LRRC8D: variants seen among roughly 807,000 people sequenced by gnomAD.
LRRC8D encodes the protein leucine rich repeat containing 8 VRAC subunit D.
In LRRC8D, 20 loss-of-function variants were observed where a neutral mutation model predicts 55.8. The observed-to-expected ratio is 0.36, with a 90% CI of 0.25 to 0.52. The LOEUF is 0.52. Ranked by LOEUF, LRRC8D falls within the 20% of genes least tolerant of loss-of-function variation. The probability of loss-of-function intolerance (pLI) is 0.93; values close to 1 mark genes in which losing one functional copy is unlikely to be tolerated. For synonymous variants in LRRC8D, 352 were observed against 377.0 expected, an observed-to-expected ratio of 0.93 and a Z score of 0.77; for missense variants, 651 against 1,030.8, an observed-to-expected ratio of 0.63 and a Z score of 5.05.
intron 2 of LRRC8D, among the ~76,000 whole-genome samples, chr1:89,847,709 T>C (rs1661315553): frequency 6.6e-6 from 1 of 152,190 alleles, no homozygotes; most frequent in Admixed American, 6.5e-5. Flanking sequence ...ATGCAGTGGC[T>C]CCTGACACCA....
chr1:89,843,684 G>C lies in LRRC8D; in HGVS notation c.-101G>C. On this transcript the variant is annotated 5_prime_UTR_variant, in exon 2 of 3. Transcript: ENST00000337338. ...CGTGCTGCCGGGTCTCAGGATGGAG[G>C]AGTGAAGTCTCCTGTCGCCGTGGTT... The C allele has an allele frequency of 1.4e-6, 1 of 702,304 alleles. No individual in the cohort carries two copies. Among genetic ancestry groups the C allele is most frequent in the Non-Finnish European group, 2.6e-6 (1 of 384,838 alleles). 43.5% of individuals were successfully genotyped at this position (702,304 alleles called of 1,614,324 possible). A position where few individuals can be genotyped will look rare whatever the true frequency, so the allele number is the denominator to read the frequency against.
At chr1:89,925,088 A>G (rs889582286) in intron 2 of LRRC8D, among the ~76,000 whole-genome samples, 1 of 152,162 alleles carries the variant, frequency 6.6e-6, no homozygotes, top group African/African-American at 2.4e-5. Flanking sequence ...GCAAAGCTTC[A>G]TCTGTATTTA....
At chr1:89,877,482 T>C (rs61773295) in intron 2 of LRRC8D, among the ~76,000 whole-genome samples, 2,199 of 152,348 alleles carry the variant, frequency 0.014, 34 homozygotes, top group Non-Finnish European at 0.021. Context: ...GTTATTATTA[T>C]TTCATGATTT....
chr1:89,849,740 G>A (rs1021538282), intron 2 of LRRC8D, among the ~76,000 whole-genome samples: 7 of 151,986 alleles, frequency 4.6e-5, no homozygotes, highest in Non-Finnish European at 7.4e-5. Flanking sequence ...AGAACTTCTT[G>A]AGAGAATTTT....
At chr1:89,927,637 C>T (rs1276652123) in intron 2 of LRRC8D, among the ~76,000 whole-genome samples, 1 of 152,144 alleles carries the variant, frequency 6.6e-6, no homozygotes, top group East Asian at 1.9e-4. Context: ...CCAGAATTTC[C>T]CAACATTGAC....
chr1:89,917,455 A>G (rs995629617), intron 2 of LRRC8D, among the ~76,000 whole-genome samples: 1 of 152,158 alleles, frequency 6.6e-6, no homozygotes, highest in Non-Finnish European at 1.5e-5. Flanking sequence ...ACATCAAACT[A>G]TGCTTCTAAG....
At chr1:89,870,149 A>G (rs140138892) in intron 2 of LRRC8D, among the ~76,000 whole-genome samples, 2,072 of 151,860 alleles carry the variant, frequency 0.014, 48 homozygotes, top group African/African-American at 0.048. Context: ...TTTCATATCC[A>G]GCCAAAGTAA....
chr1:89,891,439 T>A (rs1422666277), intron 2 of LRRC8D, among the ~76,000 whole-genome samples: 2 of 152,228 alleles, frequency 1.3e-5, no homozygotes, highest in Non-Finnish European at 2.9e-5. Context: ...ATTATAGAAT[T>A]ATTGTTTTCT....
intron 2 of LRRC8D, among the ~76,000 whole-genome samples, chr1:89,852,646 TA>T (rs2100770825): frequency 6.6e-6 from 1 of 152,074 alleles, no homozygotes; most frequent in East Asian, 1.9e-4. Context: ...TGATAGAGAG[TA>T]GGGCACATAG....
At chr1:89,878,387 T>C (rs2816856) in intron 2 of LRRC8D, among the ~76,000 whole-genome samples, 51,367 of 152,066 alleles carry the variant, frequency 0.34, 9,082 homozygotes, top group African/African-American at 0.42. Context: ...TGTTGATCAG[T>C]ACATAATATG....
At chr1:89,831,917 G>T (rs1660896402) in intron 1 of LRRC8D, among the ~76,000 whole-genome samples, 1 of 152,170 alleles carries the variant, frequency 6.6e-6, no homozygotes, top group African/African-American at 2.4e-5. Context: ...CATTGAGCGG[G>T]TATACACAGC....
At chr1:89,854,982 G>A (rs1480045436) in intron 2 of LRRC8D, among the ~76,000 whole-genome samples, 1 of 152,134 alleles carries the variant, frequency 6.6e-6, no homozygotes, top group East Asian at 1.9e-4. Flanking sequence ...GTTTCCTGAG[G>A]AATCACTGGT....
At chr1:89,901,857 C>T (rs778601594) in intron 2 of LRRC8D, among the ~76,000 whole-genome samples, 4 of 152,204 alleles carry the variant, frequency 2.6e-5, no homozygotes, top group African/African-American at 9.7e-5. Flanking sequence ...TGCAGTACGT[C>T]GTGCCTCTGA....
chr1:89,899,487 T>C (rs1662794878), intron 2 of LRRC8D, among the ~76,000 whole-genome samples: 1 of 152,258 alleles, frequency 6.6e-6, no homozygotes, highest in Admixed American at 6.5e-5. Flanking sequence ...ACTTTGTATG[T>C]AATTCATGTC....
At chr1:89,876,402 A>G (rs913160804) in intron 2 of LRRC8D, among the ~76,000 whole-genome samples, 6 of 152,204 alleles carry the variant, frequency 3.9e-5, no homozygotes, top group African/African-American at 1.2e-4. Context: ...ATGGGGCCCA[A>G]AAATCTCTAT....
At chr1:89,830,188 G>T (rs189251129) in intron 1 of LRRC8D, among the ~76,000 whole-genome samples, 1 of 152,114 alleles carries the variant, frequency 6.6e-6, no homozygotes, top group East Asian at 1.9e-4. Flanking sequence ...TTATACTCAA[G>T]TATAATCTCT....
At chr1:89,859,129 T>C (rs550881717) in intron 2 of LRRC8D, among the ~76,000 whole-genome samples, 9 of 152,312 alleles carry the variant, frequency 5.9e-5, no homozygotes, top group Middle Eastern at 6.8e-3. Flanking sequence ...ATCAAATTTC[T>C]GGGATGCTTA....
intron 2 of LRRC8D, among the ~76,000 whole-genome samples, chr1:89,856,108 A>C (rs546577085): frequency 6.6e-6 from 1 of 152,238 alleles, no homozygotes; most frequent in South Asian, 2.1e-4. Flanking sequence ...GATGAGTGTG[A>C]ACATACTACA....
At chr1:89,833,271 A>G (rs1660926834) in intron 1 of LRRC8D, among the ~76,000 whole-genome samples, 2 of 152,234 alleles carry the variant, frequency 1.3e-5, no homozygotes, top group Non-Finnish European at 2.9e-5. Context: ...TCATGGAGAC[A>G]GTTTCCATCT....
Sources: gnomAD v4.1 joint callset for allele counts (sites outside exome capture counted in the v4.1 genomes callset) on GRCh38, gnomAD v4.1.1 for gene constraint, MANE v1.5 for transcripts, NCBI Gene and HGNC (gene_info 2026-07-23, HGNC 2026-07-21) for gene names.